NDC1: variants seen among roughly 807,000 people sequenced by gnomAD.
The protein encoded by NDC1 is NDC1 transmembrane nucleoporin, also known as nucleoporin NDC1.
Under a neutral mutation model 89.8 loss-of-function variants are expected in NDC1, and 24 were observed. That is an observed-to-expected ratio of 0.27 (90% confidence interval 0.19 to 0.38). The LOEUF is 0.38. Among genes scored for constraint, NDC1 ranks in the 10% least tolerant of loss-of-function variants. The probability of loss-of-function intolerance (pLI) is 1.00; values close to 1 mark genes in which losing one functional copy is unlikely to be tolerated. For missense variants in NDC1, 728 were observed against 797.6 expected (o/e 0.91, Z 1.05); for synonymous variants, 296 against 284.8 (o/e 1.04, Z -0.39).
In NDC1 at chr1:53,765,748, T is replaced by A. The variant is rs993603382; in HGVS notation, c.*2222A>T. On this transcript the variant is annotated 3_prime_UTR_variant, in exon 18 of 18. Transcript: ENST00000371429. ...GCAAACATGCTAAGAGCTGATACCA[T>A]CATGTTTTTATACTAACAGCCGAGA... The A allele has an allele frequency of 1.3e-5, 2 of 152,096 alleles. No homozygotes were observed. Among genetic ancestry groups the A allele is most frequent in the African/African-American group, 4.8e-5 (2 of 41,392 alleles). 9.4% of individuals were successfully genotyped at this position (152,096 alleles called of 1,614,324 possible). A position where few individuals can be genotyped will look rare whatever the true frequency, so the allele number is the denominator to read the frequency against.
intron 10 of NDC1, among the ~76,000 whole-genome samples, chr1:53,801,801 G>A (rs927062020): frequency 6.6e-6 from 1 of 152,164 alleles, no homozygotes; most frequent in Non-Finnish European, 1.5e-5. Context: ...ATGTTGCCCA[G>A]GCTGGAGTGC....
intron 15 of NDC1, among the ~76,000 whole-genome samples, chr1:53,788,212 T>G (rs1379992848): frequency 6.6e-6 from 1 of 151,998 alleles, no homozygotes; most frequent in Non-Finnish European, 1.5e-5. Context: ...GAGGATTGCA[T>G]GAGCCCAGGA....
intron 5 of NDC1, 82 bp downstream of exon 5, chr1:53,825,716 T>A (rs1648831325): frequency 3.5e-6 from 4 of 1,133,820 alleles, no homozygotes; most frequent in Non-Finnish European, 4.9e-6. Context: ...ATGAATCAGA[T>A]AAATCCAGTT....
intron 16 of NDC1, among the ~76,000 whole-genome samples, chr1:53,774,844 T>C (rs1647148621): frequency 6.6e-6 from 1 of 152,078 alleles, no homozygotes; most frequent in Non-Finnish European, 1.5e-5. Flanking sequence ...TGAACCATGA[T>C]CATGCCACTG....
intron 11 of NDC1, 134 bp from the exon 12 acceptor site, chr1:53,797,278 T>G: frequency 1.2e-6 from 1 of 810,964 alleles, no homozygotes; most frequent in Non-Finnish European, 1.9e-6. Flanking sequence ...TTTCCATTTA[T>G]GATTATAGTC....
At chr1:53,778,172 G>A (rs895999455) in intron 16 of NDC1, among the ~76,000 whole-genome samples, 1 of 151,226 alleles carries the variant, frequency 6.6e-6, no homozygotes, top group Non-Finnish European at 1.5e-5. Flanking sequence ...TCAGTTAACC[G>A]GAGAAAAGCA....
Position 53,819,013 on chromosome 1 carries a change from G to A in NDC1, c.661C>T (p.Leu221=), listed in dbSNP as rs550384709. Residue 221 remains leucine, a synonymous_variant, in exon 6 of 18, where the codon CTG becomes TTG. Transcript: ENST00000371429. ...LLVKHSCVES[L]FLVRNFCILY... Reference sequence around the variant, plus strand: ...ATGCAGAAATTTCTAACCAGGAACAGTGATTCCACACAACTGTGTTTAACT... The same window carrying A: ...ATGCAGAAATTTCTAACCAGGAACAATGATTCCACACAACTGTGTTTAACT... 1.3e-6 allele frequency: 2 copies of A among 1,578,498 alleles called. No homozygotes were observed. The highest frequency in any genetic ancestry group is 2.3e-5 in the East Asian group (1 of 44,168).
chr1:53,811,282 T>C (rs956411348), intron 6 of NDC1, among the ~76,000 whole-genome samples: 1 of 152,090 alleles, frequency 6.6e-6, no homozygotes, highest in Admixed American at 6.5e-5. Flanking sequence ...TGGCCAGAAC[T>C]TGGGGGAGAG....
Position 53,828,041 on chromosome 1 carries a change from C to T in NDC1, c.413G>A (p.Gly138Asp), listed in dbSNP as rs1054687190. The change falls in exon 4 of 18, where the codon GGC becomes GAC. Residue 138 changes from glycine (G) to aspartate (D), a missense_variant. By Grantham distance (94) the Gly-to-Asp change is moderately conservative (BLOSUM62 -1). Coordinates refer to ENST00000371429, the MANE Select transcript of NDC1 (RefSeq NM_018087.5). ...GGGAACCACAAGAAAGCTGTACTGGCCCTGGGTTATCACTGCAGCACACCA... is the reference window on the plus strand; with the variant it reads ...GGGAACCACAAGAAAGCTGTACTGGTCCTGGGTTATCACTGCAGCACACCA... The part of the protein sequence containing the change: ...MAWCAAVITQ[G>D]QYSFLVVPCT... 6.2e-7 allele frequency: 1 copy of T among 1,613,890 alleles called. No individual in the cohort carries two copies. The highest frequency in any genetic ancestry group is 8.5e-7 in the Non-Finnish European group (1 of 1,179,876).
intron 8 of NDC1, 24 bp downstream of exon 8, chr1:53,807,632 G>GC: frequency 1.9e-6 from 3 of 1,584,856 alleles, no homozygotes; most frequent in Non-Finnish European, 2.6e-6. Context: ...AAAGTATTAA[G>GC]AAAAAATATT....
Position 53,818,975 on chromosome 1 carries a change from A to C in NDC1, c.699T>G (p.Phe233Leu). ...LVRNFCILYY[F>L]LGYIPKAWIS... ...TCAAAAAGCAGAAATTCTTACCAAG[A>C]AAATAATATAAAATGCAGAAATTTC... Residue 233 changes from phenylalanine (F) to leucine (L), a missense_variant, in exon 6 of 18, where the codon TTT becomes TTG. By Grantham distance (22) the Phe-to-Leu change is conservative. Transcript: ENST00000371429. 7.0e-7 allele frequency: 1 copy of C among 1,426,874 alleles called. No individual in the cohort carries two copies. The highest frequency in any genetic ancestry group is 1.3e-5 in the South Asian group (1 of 79,030). 88.4% of individuals were successfully genotyped at this position (1,426,874 alleles called of 1,614,324 possible). A position where few individuals can be genotyped will look rare whatever the true frequency, so the allele number is the denominator to read the frequency against.
intron 5 of NDC1, among the ~76,000 whole-genome samples, chr1:53,823,292 GC>G (rs1648735898): frequency 6.6e-6 from 1 of 152,040 alleles, no homozygotes; most frequent in Non-Finnish European, 1.5e-5. Flanking sequence ...TACAAGACAT[GC>G]CCCATATATA....
At chr1:53,776,889 T>A (rs1480649016) in intron 16 of NDC1, among the ~76,000 whole-genome samples, 1 of 152,172 alleles carries the variant, frequency 6.6e-6, no homozygotes, top group African/African-American at 2.4e-5. Flanking sequence ...AACTAATGAG[T>A]AATGATAATT....
intron 15 of NDC1, 125 bp downstream of exon 15, chr1:53,789,008 G>A: frequency 4.7e-6 from 3 of 643,752 alleles, no homozygotes; most frequent in South Asian, 2.0e-5. Context: ...ATAAAACAAA[G>A]ATATAAAAAC....
At chr1:53,830,990 G>A (rs1649046399) in intron 3 of NDC1, among the ~76,000 whole-genome samples, 1 of 152,188 alleles carries the variant, frequency 6.6e-6, no homozygotes, top group South Asian at 2.1e-4. Context: ...GGAAGGCCAA[G>A]GCAGGCCGAT....
intron 6 of NDC1, among the ~76,000 whole-genome samples, chr1:53,812,093 A>G (rs1648327580): frequency 6.6e-6 from 1 of 152,234 alleles, no homozygotes; most frequent in Non-Finnish European, 1.5e-5. Context: ...TCGTGGGACA[A>G]AAGAATGTGA....
chr1:53,830,007 C>T (rs139157901), intron 3 of NDC1, among the ~76,000 whole-genome samples: 84 of 151,840 alleles, frequency 5.5e-4, no homozygotes, highest in African/African-American at 1.2e-3. Context: ...AAAAAATAGA[C>T]GGGCGAGGTG....
chr1:53,776,337 C>CACAT (rs1647162784), intron 16 of NDC1, among the ~76,000 whole-genome samples: 1 of 152,098 alleles, frequency 6.6e-6, no homozygotes, highest in Non-Finnish European at 1.5e-5. Flanking sequence ...AACCACTAGC[C>CACAT]ACATGTAGCT....
rs376027518 is a variant in NDC1 at position 53,793,242 on chromosome 1, T to A, written c.1622A>T (p.Tyr541Phe). 25 of 1,611,586 alleles carry A rather than the reference T, an allele frequency of 1.6e-5. No individual in the cohort carries two copies. The African/African-American group carries it at 3.3e-4, about 21-fold the overall frequency. Reference sequence around the variant, plus strand: ...ACATATTCTTACCTTACTGAAAAAATACATTATCAGCACCCGTTTTGACAA... The same window carrying A: ...ACATATTCTTACCTTACTGAAAAAAAACATTATCAGCACCCGTTTTGACAA... ...NFLSKRVLIM[Y>F]FFSKHPEASI... is the part of the protein sequence containing the mutation. Residue 541 changes from tyrosine to phenylalanine, a missense_variant, in exon 14 of 18, where the codon TAT (tyrosine) becomes TTT (phenylalanine). Transcript: ENST00000371429.
Sources: gnomAD v4.1 joint callset for allele counts (sites outside exome capture counted in the v4.1 genomes callset) on GRCh38, gnomAD v4.1.1 for gene constraint, MANE v1.5 for transcripts, NCBI Gene and HGNC (gene_info 2026-07-23, HGNC 2026-07-21) for gene names.